The following CEP192 variants were observed in gnomAD, a reference collection of about 807,000 sequenced individuals.
CEP192 encodes centrosomal protein of 192 kDa.
CEP192 carries 151 observed loss-of-function variants against 271.8 expected under a neutral mutation model. The ratio of observed to expected loss-of-function variants is 0.56; its 90% confidence interval spans 0.49 to 0.64. CEP192 has a LOEUF of 0.64. CEP192 is among the 30% of genes least tolerant of loss of function. CEP192 has a pLI of 0.00. For missense variants in CEP192, 2,910 were observed against 3,020.5 expected (o/e 0.96, Z 0.86); for synonymous variants, 995 against 1,076.5 (o/e 0.92, Z 1.48).
At chr18:13,013,518 C>T (rs933277928) in intron 5 of CEP192, among the ~76,000 whole-genome samples, 1 of 152,192 alleles carries the variant, frequency 6.6e-6, no homozygotes, top group African/African-American at 2.4e-5. Flanking sequence ...AATGAGCTCC[C>T]TTGGCTCTTA....
Position 13,096,190 on chromosome 18 carries a change from T to G in CEP192, c.6440T>G (p.Met2147Arg). 1 of 1,613,786 alleles carries G rather than the reference T, an allele frequency of 6.2e-7. No individual in the cohort carries two copies. Among genetic ancestry groups the G allele is most frequent in the Non-Finnish European group, 8.5e-7 (1 of 1,179,812 alleles). Residue 2147 changes from methionine to arginine, a missense_variant, in exon 36 of 45, where the codon ATG becomes AGG. Met to Arg is a moderately conservative substitution (Grantham distance 91). Transcript: ENST00000506447. ...TATGTATCTGACAAAATAGGTGACA[T>G]GGCAAAAACTGGACGTTTCCAGATT... ...LILVAPSPCD[M>R]AKTGRFQIVN...
Position 13,124,617 on chromosome 18 carries a change from CCT to C in CEP192, c.7476-8_7476-7del. The C allele has an allele frequency of 6.2e-7, 1 of 1,603,948 alleles. No homozygotes were observed. The highest frequency in any genetic ancestry group is 8.5e-7 in the Non-Finnish European group (1 of 1,172,164). On this transcript the variant is annotated splice_polypyrimidine_tract_variant and intron_variant, in intron 44 of 44. Coordinates refer to ENST00000506447, the MANE Select transcript of CEP192 (RefSeq NM_032142.4). ...TGTCATGACATGCTGCTGTCATGTG[CCT>C]CTCTCTTTCCAGAGCCCAGCATTAC...
chr18:13,038,928 G>A (rs761841988), intron 13 of CEP192, among the ~76,000 whole-genome samples: 1 of 149,458 alleles, frequency 6.7e-6, no homozygotes, highest in Admixed American at 6.7e-5. Flanking sequence ...TGTTATTGTT[G>A]GTTGGTGTGA....
chr18:13,011,184 G>A (rs138552663), intron 4 of CEP192, among the ~76,000 whole-genome samples: 6,497 of 149,192 alleles, frequency 0.044, 210 homozygotes, highest in African/African-American at 0.095. Context: ...CCGAGATTGT[G>A]CCACTGCATT....
rs138351370 is a variant in CEP192, at chr18:13,056,561, G to T, written c.3971G>T (p.Gly1324Val). 1 of 1,614,164 alleles carries T rather than the reference G, an allele frequency of 6.2e-7. No individual in the cohort carries two copies. Among genetic ancestry groups the T allele is most frequent in the Non-Finnish European group, 8.5e-7 (1 of 1,180,032 alleles). The change falls in exon 19 of 45, where the codon GGT becomes GTT. Residue 1324 changes from glycine to valine, a missense_variant. By Grantham distance (109) the Gly-to-Val change is moderately radical. Transcript: ENST00000506447. ...LGSNIGSGWM[G>V]TSSLCNPYSN... ...TCAAATATCGGCTCTGGATGGATGG[G>T]TACCTCTTCCCTCTGTAACCCATAT...
At position 13,092,478 on chromosome 18, in the gene CEP192, A is replaced by AGATT; in HGVS notation, c.6206_6207insATTG (p.Ser2069ArgfsTer13). The AGATT allele has an allele frequency of 1.9e-6, 3 of 1,610,326 alleles. No individual in the cohort carries two copies. Among genetic ancestry groups the AGATT allele is most frequent in the Non-Finnish European group, 2.5e-6 (3 of 1,177,924 alleles). On this transcript the variant is annotated frameshift_variant, in exon 34 of 45. Transcript: ENST00000506447. LOFTEE classifies it high-confidence loss of function. ...TGGAGAATTCAGAGATTGCATTTCT[A>AGATT]GCAGAGAATTCCTTCAGCCTTCTTC...
Position 13,057,627 on chromosome 18 carries a change from G to A in CEP192, c.4151G>A (p.Cys1384Tyr). 6.2e-7 allele frequency: 1 copy of A among 1,614,124 alleles called. No homozygotes were observed. Among genetic ancestry groups the A allele is most frequent in the Non-Finnish European group, 8.5e-7 (1 of 1,180,002 alleles). ...GAGGAGTTGAAGCTTCCTCATGCTT[G>A]CTGTGTCGGGATCGCTTCCCAGACC... Reference protein sequence around the residue: ...VPEELKLPHACCVGIASQTLL... With the variant: ...VPEELKLPHAYCVGIASQTLL... Residue 1384 changes from cysteine (C) to tyrosine (Y), a missense_variant, in exon 20 of 45, where the codon TGC (cysteine) becomes TAC (tyrosine). Cys to Tyr is a radical substitution (Grantham distance 194). Transcript: ENST00000506447.
chr18:13,088,397 A>G (rs1598566475), intron 32 of CEP192, among the ~76,000 whole-genome samples: 1 of 152,332 alleles, frequency 6.6e-6, no homozygotes, highest in Non-Finnish European at 1.5e-5. Context: ...GCAGTGAGCT[A>G]TGATTGCACT....
intron 40 of CEP192, among the ~76,000 whole-genome samples, chr18:13,109,030 C>T (rs895136963): frequency 6.6e-6 from 1 of 152,220 alleles, no homozygotes; most frequent in Non-Finnish European, 1.5e-5. Flanking sequence ...TTCAACCCAG[C>T]AGTCCCACTA....
intron 40 of CEP192, among the ~76,000 whole-genome samples, chr18:13,106,538 C>T (rs1334914782): frequency 4.0e-5 from 6 of 148,514 alleles, no homozygotes; most frequent in Non-Finnish European, 8.9e-5. Flanking sequence ...ACCACCACCT[C>T]CCCCATCTCC....
At chr18:13,119,650 G>T (rs1270728885) in intron 44 of CEP192, among the ~76,000 whole-genome samples, 2 of 152,176 alleles carry the variant, frequency 1.3e-5, no homozygotes, top group African/African-American at 4.8e-5. Context: ...ACTGAGGCAG[G>T]AGAATCCCTT....
Position 13,049,551 on chromosome 18 carries a change from G to A in CEP192, c.2760G>A (p.Leu920=), listed in dbSNP as rs776985659. The change falls in exon 16 of 45, where the codon CTG becomes CTA. Residue 920 remains leucine (L), a synonymous_variant. Transcript: ENST00000506447. The part of the protein sequence containing the change: ...VRNPRITSLC[L]LKDCEEIRDN... ...ACCCCAGAATAACATCCCTTTGTCT[G>A]TTAAAAGACTGTGAAGAAATACGAG... The A allele has an allele frequency of 6.8e-6, 11 of 1,613,960 alleles. No individual in the cohort carries two copies. Among genetic ancestry groups the A allele is most frequent in the Non-Finnish European group, 9.3e-6 (11 of 1,179,988 alleles).
At chr18:13,052,519 T>C (rs1396600115) in intron 17 of CEP192, among the ~76,000 whole-genome samples, 5 of 152,252 alleles carry the variant, frequency 3.3e-5, no homozygotes, top group Admixed American at 1.3e-4. Context: ...GTTGTACCAC[T>C]TGATAGTCCC....
intron 39 of CEP192, among the ~76,000 whole-genome samples, chr18:13,104,483 G>A (rs1346922232): frequency 6.6e-6 from 1 of 152,126 alleles, no homozygotes; most frequent in Non-Finnish European, 1.5e-5. Flanking sequence ...TGGACCTACT[G>A]TGAAAAAATT....
chr18:13,098,496 C>T (rs1264448218), intron 36 of CEP192, among the ~76,000 whole-genome samples: 1 of 151,264 alleles, frequency 6.6e-6, no homozygotes, highest in African/African-American at 2.4e-5. Flanking sequence ...CCTCACCTCC[C>T]AGATGGGGTC....
chr18:13,013,242 T>C (rs1225408634), intron 5 of CEP192, among the ~76,000 whole-genome samples: 1 of 152,162 alleles, frequency 6.6e-6, no homozygotes, highest in Non-Finnish European at 1.5e-5. Flanking sequence ...TTGGGCTTGG[T>C]GATGTCAGAG....
rs1454601015 is a variant in CEP192, at chr18:13,124,985, T to A, written c.*215T>A. 9.9e-6 allele frequency: 4 copies of A among 405,060 alleles called. No individual in the cohort carries two copies. The East Asian group carries it at 1.5e-4, about 15-fold the overall frequency. The allele number at this position is 405,060 out of a possible 1,614,324, so 25.1% of individuals were successfully genotyped here. A position where few individuals can be genotyped will look rare whatever the true frequency, so the allele number is the denominator to read the frequency against. ...TAACTTTTACAGGTGAGAAGAGAGT[T>A]CTGTGTTTGCATTGATTATGATATT... On this transcript the variant is annotated 3_prime_UTR_variant, in exon 45 of 45. Transcript: ENST00000506447.
At chr18:13,053,163 ACT>A in intron 18 of CEP192, 73 bp downstream of exon 18, 4 of 1,270,252 alleles carry the variant, frequency 3.1e-6, no homozygotes, top group Non-Finnish European at 4.3e-6. Context: ...TTTGATTCAG[ACT>A]ACAGTTCAAG....
chr18:13,086,887 C>T (rs951547017), intron 30 of CEP192, 130 bp from the exon 31 acceptor site: 5 of 632,204 alleles, frequency 7.9e-6, no homozygotes, highest in African/African-American at 1.8e-5. Context: ...TGGGGAACTA[C>T]TACCCAAAGT....
Sources: allele counts gnomAD v4.1 joint callset (sites outside exome capture counted in the v4.1 genomes callset), GRCh38; gene constraint gnomAD v4.1.1; transcripts MANE v1.5; gene names NCBI Gene and HGNC (gene_info 2026-07-23, HGNC 2026-07-21).